SULT1A1: variants seen among roughly 807,000 people sequenced by gnomAD.
SULT1A1 encodes the protein sulfotransferase 1A1.
A neutral mutation model predicts 36.8 loss-of-function variants in SULT1A1; 35 were observed. The observed-to-expected ratio is 0.95, with a 90% CI of 0.73 to 1.26. The LOEUF (loss-of-function observed/expected upper bound fraction) is 1.26, where lower values mean the gene tolerates loss of function less well. Ranked by LOEUF, SULT1A1 falls within the 50% of genes most tolerant of loss-of-function variation. The pLI is 0.00. For synonymous variants in SULT1A1, 119 were observed against 146.0 expected, an observed-to-expected ratio of 0.82 and a Z score of 1.33; for missense variants, 309 against 383.0, an observed-to-expected ratio of 0.81 and a Z score of 1.61.
At chr16:28,622,515 G>A (rs984652295) in intron 1 of SULT1A1, among the ~76,000 whole-genome samples, 1 of 152,074 alleles carries the variant, frequency 6.6e-6, no homozygotes, top group Non-Finnish European at 1.5e-5. Context: ...GACCCCAGGG[G>A]AAAATCTTGT....
intron 1 of SULT1A1, chr16:28,609,401 C>T (rs2047361578): frequency 7.8e-7 from 1 of 1,287,590 alleles, no homozygotes; most frequent in African/African-American, 1.5e-5. Flanking sequence ...CAAACACGGC[C>T]CATTGAGGAA....
rs571482144 is a variant in SULT1A1 at position 28,609,204 on chromosome 16, A to G, written c.-4-345T>C. 262 of 1,312,968 alleles carry G rather than the reference A, an allele frequency of 2.0e-4. 5 individuals are homozygous for G. The highest frequency in any genetic ancestry group is 4.1e-4 in the Admixed American group (13 of 31,340). The allele number at this position is 1,312,968 out of a possible 1,614,324, so 81.3% of individuals were successfully genotyped here. A position where few individuals can be genotyped will look rare whatever the true frequency, so the allele number is the denominator to read the frequency against. On this transcript the variant is annotated intron_variant, in intron 1 of 7. Coordinates refer to ENST00000314752, the MANE Select transcript of SULT1A1 (RefSeq NM_001055.4). ...CCAGCTGCACTGAGGAAGCTCTAGGACCTTCCTGTGCTGTCTCCCTGCCAG... is the reference window on the plus strand; with the variant it reads ...CCAGCTGCACTGAGGAAGCTCTAGGGCCTTCCTGTGCTGTCTCCCTGCCAG...
chr16:28,609,506 A>G (rs1486073604), intron 1 of SULT1A1: 7 of 922,860 alleles, frequency 7.6e-6, no homozygotes, highest in South Asian at 2.8e-5. Flanking sequence ...GCTCCCACCT[A>G]TAATCCCAGA....
intron 1 of SULT1A1, chr16:28,620,236 A>G: frequency 9.1e-7 from 1 of 1,093,124 alleles, no homozygotes. Flanking sequence ...AACCATCACT[A>G]TCATCCATCA....
chr16:28,621,211 A>AG (rs1222269399), intron 1 of SULT1A1, among the ~76,000 whole-genome samples: 1 of 151,306 alleles, frequency 6.6e-6, no homozygotes, highest in Non-Finnish European at 1.5e-5. Flanking sequence ...CTCAGGTGCG[A>AG]GGGCTCACGT....
chr16:28,610,245 T>C, upstream of SULT1A1: 1 of 1,222,248 alleles, frequency 8.2e-7, no homozygotes, highest in Non-Finnish European at 1.0e-6. Context: ...GGGTTTGTTT[T>C]TGTAGGTTTT....
At chr16:28,610,237 GT>G (rs1170651186), upstream of SULT1A1, 1 of 944,674 alleles carries the variant, frequency 1.1e-6, no homozygotes, top group Non-Finnish European at 1.4e-6. Flanking sequence ...CCAATGGTGG[GT>G]TTGTTTTTGT....
chr16:28,605,474 G>A lies in SULT1A1; in HGVS notation c.*347C>T, dbSNP rs1596620569. ...TTTTGTAGGGATGATGTCTTGTAAT[G>A]TTGAACAGGCTGGTCCCAAACTCCT... On this transcript the variant is annotated 3_prime_UTR_variant, in exon 8 of 8. Coordinates refer to ENST00000314752, the MANE Select transcript of SULT1A1 (RefSeq NM_001055.4). 2.5e-6 allele frequency: 1 copy of A among 403,128 alleles called. No homozygotes were observed. The highest frequency in any genetic ancestry group is 5.3e-5 in the East Asian group (1 of 18,860). The allele number at this position is 403,128 out of a possible 1,614,324, so 25.0% of individuals were successfully genotyped here. A position where few individuals can be genotyped will look rare whatever the true frequency, so the allele number is the denominator to read the frequency against.
intron 1 of SULT1A1, among the ~76,000 whole-genome samples, chr16:28,622,694 C>T (rs901310489): frequency 2.0e-5 from 3 of 152,156 alleles, no homozygotes; most frequent in East Asian, 3.9e-4. Context: ...GGTTCCTTCC[C>T]TGTCCCACGA....
At chr16:28,607,405 T>C (rs192953785) in intron 4 of SULT1A1, 780 of 342,496 alleles carry the variant, frequency 2.3e-3, no homozygotes, top group Non-Finnish European at 3.8e-3. Flanking sequence ...CTTTCTTAGG[T>C]CTACACTGAA....
intron 1 of SULT1A1, among the ~76,000 whole-genome samples, chr16:28,622,199 G>A (rs1251140803): frequency 1.3e-5 from 2 of 151,486 alleles, no homozygotes; most frequent in Admixed American, 6.6e-5. Flanking sequence ...TCTTTCTCTG[G>A]GGGACACACT....
intron 1 of SULT1A1, chr16:28,609,432 A>G: frequency 7.9e-7 from 1 of 1,266,240 alleles, no homozygotes; most frequent in Non-Finnish European, 1.0e-6. Flanking sequence ...ACTAGGGGCC[A>G]GAGCTGCTGT....
At chr16:28,617,013 T>A (rs2047560302) in intron 2 of SULT1A1, among the ~76,000 whole-genome samples, 1 of 151,614 alleles carries the variant, frequency 6.6e-6, no homozygotes, top group South Asian at 2.1e-4. Context: ...ATCTTTTTTT[T>A]TATTTTTTAT....
At position 28,609,762 on chromosome 16, in the gene SULT1A1, AAAAC is replaced by A. The variant is rs959867666; in HGVS notation, c.-5+165_-5+168del. ...GCAAGACCTGGCCTCCCCGGGGAAA[AAAAC>A]AAACAAACAAGGGAAGGGAGGGGGA... On this transcript the variant is annotated intron_variant, in intron 1 of 7. Coordinates refer to ENST00000314752, the MANE Select transcript of SULT1A1 (RefSeq NM_001055.4). 4.2e-5 allele frequency: 36 copies of A among 858,764 alleles called. 1 individual carries two copies. The highest frequency in any genetic ancestry group is 8.6e-5 in the African/African-American group (5 of 58,334). The allele number at this position is 858,764 out of a possible 1,614,324, so 53.2% of individuals were successfully genotyped here. A position where few individuals can be genotyped will look rare whatever the true frequency, so the allele number is the denominator to read the frequency against.
chr16:28,615,250 G>A (rs1483040329), intron 2 of SULT1A1, among the ~76,000 whole-genome samples: 1 of 113,204 alleles, frequency 8.8e-6, no homozygotes, highest in Admixed American at 9.6e-5. Flanking sequence ...AGGGAGCACC[G>A]GGTCCTTGCC....
In SULT1A1 at chr16:28,609,108, T is replaced by C. The variant is rs1237282706; in HGVS notation, c.-4-249A>G. Reference sequence around the variant, plus strand: ...CAAAATCCCAGGGCCTGGGCCATGGTGCAGACCAGTGAAAGCACCCTCGTC... The same window carrying C: ...CAAAATCCCAGGGCCTGGGCCATGGCGCAGACCAGTGAAAGCACCCTCGTC... On this transcript the variant is annotated intron_variant, in intron 1 of 7. Coordinates refer to ENST00000314752, the MANE Select transcript of SULT1A1 (RefSeq NM_001055.4). 1.2e-5 allele frequency: 17 copies of C among 1,428,090 alleles called. 1 individual carries two copies. Among genetic ancestry groups the C allele is most frequent in the African/African-American group, 1.4e-5 (1 of 69,854 alleles). 88.5% of individuals were successfully genotyped at this position (1,428,090 alleles called of 1,614,324 possible). A position where few individuals can be genotyped will look rare whatever the true frequency, so the allele number is the denominator to read the frequency against.
At chr16:28,609,085 A>C (rs1317732517) in intron 1 of SULT1A1, 2 of 1,445,036 alleles carry the variant, frequency 1.4e-6, no homozygotes, top group African/African-American at 1.4e-5. Context: ...GAGCTGTTCA[A>C]AATCCCAGGG....
In SULT1A1 at chr16:28,605,855, G is replaced by A. The variant is rs746968899; in HGVS notation, c.854C>T (p.Ala285Val). 1.9e-5 allele frequency: 31 copies of A among 1,608,902 alleles called. No individual in the cohort carries two copies. In the Admixed American group the frequency reaches 4.4e-4, roughly 23 times the overall value. The change falls in exon 8 of 8, where the codon GCA (alanine) becomes GTA (valine). Residue 285 changes from alanine to valine, a missense_variant. By Grantham distance (64) the Ala-to-Val change is moderately conservative. This residue lies in a region of SULT1A1 where 67 missense variants were observed against 122.0 expected (regional missense o/e 0.55). Transcript: ENST00000314752. ...RFDADYAEKM[A>V]GCSLSFRSEL ...AGAGCGGAAGCTGAGGCTGCAGCCT[G>A]CCATCTTCTCCGCATAGTCCGCATC...
rs766245932 is a variant in SULT1A1 at position 28,608,379 on chromosome 16, G to T, written c.284C>A (p.Thr95Asn). ...KAPGIPSGME[T>N]LKDTPAPRLL... ...TCGTGGGGCCGGTGTGTCTTTCAGA[G>T]TCTCCATCCCTGAGCAGTGGGTCAG... The change falls in exon 4 of 8, where the codon ACT (threonine) becomes AAT (asparagine). Residue 95 changes from threonine to asparagine, a missense_variant. Thr to Asn is a moderately conservative substitution (Grantham distance 65). Transcript: ENST00000314752. 4 of 1,612,438 alleles carry T rather than the reference G, an allele frequency of 2.5e-6. No homozygotes were observed. Among genetic ancestry groups the T allele is most frequent in the Middle Eastern group, 1.7e-4 (1 of 6,052 alleles).
Sources: allele counts gnomAD v4.1 joint callset (sites outside exome capture counted in the v4.1 genomes callset), GRCh38; gene constraint gnomAD v4.1.1; regional missense constraint gnomAD v4.1.1; transcripts MANE v1.5; gene names NCBI Gene and HGNC (gene_info 2026-07-23, HGNC 2026-07-21).